Variants in OGFOD1 observed in about 807,000 individuals in gnomAD.
OGFOD1 encodes 2-oxoglutarate and iron dependent oxygenase domain containing 1.
A neutral mutation model predicts 67.7 loss-of-function variants in OGFOD1; 54 were observed. That is an observed-to-expected ratio of 0.80 (90% CI 0.64 to 1.00). The LOEUF (loss-of-function observed/expected upper bound fraction) is 1.00, where lower values mean the gene tolerates loss of function less well. Ranked by LOEUF, OGFOD1 falls within the 50% of genes least tolerant of loss-of-function variation. The pLI, the probability that OGFOD1 is intolerant of heterozygous loss-of-function variation, is 0.00. For missense variants in OGFOD1, 606 were observed against 646.7 expected (o/e 0.94, Z 0.68); for synonymous variants, 221 against 227.0 (o/e 0.97, Z 0.24).
chr16:56,472,519 A>T (rs1963246486), intron 10 of OGFOD1, among the ~76,000 whole-genome samples: 1 of 152,258 alleles, frequency 6.6e-6, no homozygotes, highest in African/African-American at 2.4e-5. Context: ...TGGGCATATG[A>T]TAGCAGTGCT....
chr16:56,478,407 A>G lies in OGFOD1; in HGVS notation c.*2202A>G, dbSNP rs1022628124. The G allele has an allele frequency of 3.3e-5, 5 of 152,158 alleles. No individual in the cohort carries two copies. The highest frequency in any genetic ancestry group is 7.3e-5 in the Non-Finnish European group (5 of 68,028). The allele number at this position is 152,158 out of a possible 1,614,324, so 9.4% of individuals were successfully genotyped here. A position where few individuals can be genotyped will look rare whatever the true frequency, so the allele number is the denominator to read the frequency against. ...ACAATTTTTTAACCACAGTGTAGCA[A>G]CACTCAAGTGGGATTGCGAATACTG... On this transcript the variant is annotated 3_prime_UTR_variant, in exon 13 of 13. Coordinates refer to ENST00000566157, the MANE Select transcript of OGFOD1 (RefSeq NM_018233.4).
rs532438405 is a variant in OGFOD1, at chr16:56,478,873, C to G, written c.*2668C>G. The G allele has an allele frequency of 1.3e-5, 2 of 152,178 alleles. No homozygotes were observed. The highest frequency in any genetic ancestry group is 6.5e-5 in the Admixed American group (1 of 15,276). 9.4% of individuals were successfully genotyped at this position (152,178 alleles called of 1,614,324 possible). ...GTCAGTTACATCATCTACAGCAGCA[C>G]CTCTTAGATTGTGAAGGATGGTGTA... On this transcript the variant is annotated 3_prime_UTR_variant, in exon 13 of 13. Transcript: ENST00000566157.
intron 11 of OGFOD1, 96 bp downstream of exon 11, chr16:56,475,046 T>C (rs1368805082): frequency 2.2e-6 from 3 of 1,336,648 alleles, no homozygotes; most frequent in Non-Finnish European, 2.1e-6. Context: ...ATAAGTAATT[T>C]GCCTAGTTCA....
In OGFOD1 at chr16:56,466,274, A is replaced by G. The variant is rs745767371; in HGVS notation, c.565+6A>G. On this transcript the variant is annotated splice_donor_region_variant and intron_variant, in intron 5 of 12. Coordinates refer to ENST00000566157, the MANE Select transcript of OGFOD1 (RefSeq NM_018233.4). ...GGACCTGTACAGCATTGATGGTAAGATAAGTATAAGTGCATGCACTTCACC... is the reference window on the plus strand; with the variant it reads ...GGACCTGTACAGCATTGATGGTAAGGTAAGTATAAGTGCATGCACTTCACC... 5.8e-6 allele frequency: 9 copies of G among 1,558,610 alleles called. No homozygotes were observed. In the Admixed American group the frequency reaches 1.0e-4, roughly 17 times the overall value.
intron 4 of OGFOD1, among the ~76,000 whole-genome samples, chr16:56,462,880 T>TA (rs1297371894): frequency 6.6e-6 from 1 of 152,202 alleles, no homozygotes; most frequent in African/African-American, 2.4e-5. Flanking sequence ...ATAACATACA[T>TA]ACACACCAAC....
intron 10 of OGFOD1, 22 bp from the exon 11 acceptor site, chr16:56,474,806 T>C (rs1415247220): frequency 3.1e-6 from 5 of 1,587,910 alleles, no homozygotes; most frequent in Non-Finnish European, 4.3e-6. Flanking sequence ...TTAAAGTTTC[T>C]CATCTTTTTT....
At chr16:56,460,670 T>C (rs1962683436) in intron 3 of OGFOD1, among the ~76,000 whole-genome samples, 1 of 152,300 alleles carries the variant, frequency 6.6e-6, no homozygotes, top group South Asian at 2.1e-4. Context: ...TGATAGTGTA[T>C]AATATAAAAA....
chr16:56,452,416 G>A (rs1962371249), intron 1 of OGFOD1, among the ~76,000 whole-genome samples: 1 of 152,216 alleles, frequency 6.6e-6, no homozygotes, highest in South Asian at 2.1e-4. Context: ...ACCAAGGAAA[G>A]GCGCCTACGT....
At position 56,477,314 on chromosome 16, in the gene OGFOD1, G is replaced by GTGTA. The variant is rs1963526943; in HGVS notation, c.*1110_*1113dup. The stretch of plus-strand genomic sequence containing the variant: ...GTTCCACCATGACTCTCACAGTACA[G>GTGTA]TGTAGGCTTAGTGTAGTATTATTCC... On this transcript the variant is annotated 3_prime_UTR_variant, in exon 13 of 13. Transcript: ENST00000566157. 6.6e-6 allele frequency: 1 copy of GTGTA among 152,142 alleles called. No homozygotes were observed. The highest frequency in any genetic ancestry group is 2.4e-5 in the African/African-American group (1 of 41,418). 9.4% of individuals were successfully genotyped at this position (152,142 alleles called of 1,614,324 possible). A position where few individuals can be genotyped will look rare whatever the true frequency, so the allele number is the denominator to read the frequency against.
At chr16:56,472,472 G>GA (rs1349205964) in intron 10 of OGFOD1, among the ~76,000 whole-genome samples, 1 of 152,186 alleles carries the variant, frequency 6.6e-6, no homozygotes, top group Non-Finnish European at 1.5e-5. Flanking sequence ...CCATCTTGAA[G>GA]AAAAGCTATA....
intron 2 of OGFOD1, among the ~76,000 whole-genome samples, chr16:56,457,766 C>T (rs1449427037): frequency 2.6e-5 from 4 of 152,006 alleles, no homozygotes; most frequent in Admixed American, 2.6e-4. Context: ...CTGCAACCTC[C>T]GCCTCCAGGT....
chr16:56,476,087 A>G lies in OGFOD1; in HGVS notation c.1511A>G (p.Tyr504Cys), dbSNP rs776784166. 8 of 1,613,752 alleles carry G rather than the reference A, an allele frequency of 5.0e-6. No homozygotes were observed. Among genetic ancestry groups the G allele is most frequent in the African/African-American group, 1.3e-5 (1 of 74,934 alleles). ...GAAAGCAATTCTTTGGCATTGGTCT[A>G]CAGAGACAGAGAGACTCTGAAATTT... ...NPESNSLALV[Y>C]RDRETLKFVK... Residue 504 changes from tyrosine to cysteine, a missense_variant, in exon 13 of 13, where the codon TAC (tyrosine) becomes TGC (cysteine). Physicochemically the swap from Tyr to Cys is radical, Grantham distance 194. Coordinates refer to ENST00000566157, the MANE Select transcript of OGFOD1 (RefSeq NM_018233.4).
intron 4 of OGFOD1, among the ~76,000 whole-genome samples, chr16:56,463,374 TC>T (rs1962782259): frequency 6.7e-6 from 1 of 149,886 alleles, no homozygotes. Flanking sequence ...CCATGTCATT[TC>T]TTTTTTGGGT....
In OGFOD1 at chr16:56,474,932, C is replaced by A. The variant is rs1196312137; in HGVS notation, c.1390C>A (p.Leu464Met). The A allele has an allele frequency of 6.2e-7, 1 of 1,613,616 alleles. No homozygotes were observed. The highest frequency in any genetic ancestry group is 1.7e-5 in the Admixed American group (1 of 59,996). Residue 464 changes from leucine (L) to methionine (M), a missense_variant, in exon 11 of 13, where the codon CTG becomes ATG. Coordinates refer to ENST00000566157, the MANE Select transcript of OGFOD1 (RefSeq NM_018233.4). ...SKAEFALDLI[L>M]YCGCEGWEPE... ...GGCTGAATTTGCCCTAGACTTAATT[C>A]TGTACTGTGGCTGTGAAGGTAAGAG...
intron 4 of OGFOD1, chr16:56,465,876 T>G (rs546934517): frequency 6.7e-6 from 2 of 300,116 alleles, no homozygotes; most frequent in East Asian, 1.5e-4. Flanking sequence ...AATACATATA[T>G]GTAGGAAAAA....
At chr16:56,459,550 G>C (rs754754903) in intron 3 of OGFOD1, among the ~76,000 whole-genome samples, 24 of 152,020 alleles carry the variant, frequency 1.6e-4, no homozygotes, top group African/African-American at 5.6e-4. Flanking sequence ...ACATGAATGT[G>C]GTAGTTATCT....
chr16:56,465,903 G>A, intron 4 of OGFOD1: 1 of 334,790 alleles, frequency 3.0e-6, no homozygotes, highest in East Asian at 5.9e-5. Flanking sequence ...AAGATGATAT[G>A]TAAAAATATT....
intron 1 of OGFOD1, 100 bp from the exon 2 acceptor site, chr16:56,453,163 A>G: frequency 1.6e-6 from 2 of 1,279,592 alleles, no homozygotes; most frequent in South Asian, 3.0e-5. Flanking sequence ...AGGTTCCCCA[A>G]AATTCATGAC....
chr16:56,456,860 C>G (rs1342399796), intron 2 of OGFOD1, among the ~76,000 whole-genome samples: 3 of 152,180 alleles, frequency 2.0e-5, no homozygotes, highest in Non-Finnish European at 4.4e-5. Context: ...GCTGAAACAA[C>G]AATGAAATCA....
Sources: gnomAD v4.1 joint callset for allele counts (sites outside exome capture counted in the v4.1 genomes callset) on GRCh38, gnomAD v4.1.1 for gene constraint, MANE v1.5 for transcripts, NCBI Gene and HGNC (gene_info 2026-07-23, HGNC 2026-07-21) for gene names.